The following SLC4A4 variants were observed in gnomAD, a reference collection of about 807,000 sequenced individuals.
The protein encoded by SLC4A4 is electrogenic sodium bicarbonate cotransporter 1.
In SLC4A4, 27 loss-of-function variants were observed where a neutral mutation model predicts 111.5. That is an observed-to-expected ratio of 0.24 (90% CI 0.18 to 0.33). The LOEUF is 0.33. SLC4A4 is among the 10% of genes least tolerant of loss of function. The probability of loss-of-function intolerance (pLI) is 1.00; values close to 1 mark genes in which losing one functional copy is unlikely to be tolerated. For synonymous variants in SLC4A4, 443 were observed against 463.4 expected (o/e 0.96, Z 0.57); for missense variants, 909 against 1,315.5 (o/e 0.69, Z 4.78).
At chr4:71,177,693 C>A (rs780594314) in intron 2 of SLC4A4, among the ~76,000 whole-genome samples, 2 of 152,146 alleles carry the variant, frequency 1.3e-5, no homozygotes, top group Non-Finnish European at 2.9e-5. Flanking sequence ...TCCTTAGTGA[C>A]CTACAAAGAG....
intron 5 of SLC4A4, among the ~76,000 whole-genome samples, chr4:71,351,210 C>T (rs1729795893): frequency 6.6e-6 from 1 of 152,194 alleles, no homozygotes. Context: ...CCAATGTGAC[C>T]TGACTCAATC....
rs145645749 is a variant in SLC4A4 at position 71,258,827 on chromosome 4, G to C, written c.253+3428G>C. Among the ~76,000 whole-genome samples the C allele has an allele frequency of 1.6e-4, 25 of 152,246 alleles. No individual in the cohort carries two copies. In the East Asian group the frequency reaches 4.4e-3, roughly 27 times the overall value. On this transcript the variant is annotated intron_variant, in intron 3 of 25. Transcript: ENST00000264485. ...ATCGCCAAAGTGGGATTTTGGTCTGGGTAGGTAACTCCCAAGTGTGTGCAG... is the reference window on the plus strand; with the variant it reads ...ATCGCCAAAGTGGGATTTTGGTCTGCGTAGGTAACTCCCAAGTGTGTGCAG...
intron 2 of SLC4A4, among the ~76,000 whole-genome samples, chr4:71,157,651 C>A (rs1744514406): frequency 6.6e-6 from 1 of 152,108 alleles, no homozygotes; most frequent in South Asian, 2.1e-4. Context: ...TAACTTAGTA[C>A]ATAATTTTCA....
chr4:71,219,941 A>G (rs1366128072), intron 1 of SLC4A4, among the ~76,000 whole-genome samples: 1 of 152,260 alleles, frequency 6.6e-6, no homozygotes, highest in East Asian at 1.9e-4. Context: ...ATGAGCAAAG[A>G]AAGTGATTTC....
At chr4:71,219,334 A>T (rs945278750) in intron 1 of SLC4A4, among the ~76,000 whole-genome samples, 1 of 152,324 alleles carries the variant, frequency 6.6e-6, no homozygotes, top group Middle Eastern at 3.4e-3. Context: ...TCCTCTGCCT[A>T]TGCTCTGAAG....
At chr4:71,461,626 A>G (rs1474898875) in intron 12 of SLC4A4, among the ~76,000 whole-genome samples, 2 of 152,120 alleles carry the variant, frequency 1.3e-5, no homozygotes, top group Non-Finnish European at 2.9e-5. Context: ...TAAAATGCTG[A>G]TATTACAAAT....
At position 71,569,918 on chromosome 4, in the gene SLC4A4, T is replaced by G. The variant is rs1156436229; in HGVS notation, c.*2167T>G. The G allele has an allele frequency of 6.6e-6, 1 of 151,780 alleles. No individual in the cohort carries two copies. Among genetic ancestry groups the G allele is most frequent in the Non-Finnish European group, 1.5e-5 (1 of 67,820 alleles). 9.4% of individuals were successfully genotyped at this position (151,780 alleles called of 1,614,324 possible). On this transcript the variant is annotated 3_prime_UTR_variant, in exon 26 of 26. Transcript: ENST00000264485. ...ATATGTTATTGTGTTAAAACCTCAC[T>G]TGCCAAATTCTGGCTTCACATTTGT...
intron 18 of SLC4A4, among the ~76,000 whole-genome samples, chr4:71,544,538 C>G (rs1298997781): frequency 6.6e-6 from 1 of 152,010 alleles, no homozygotes; most frequent in Non-Finnish European, 1.5e-5. Context: ...TCTGTAGGCT[C>G]CACCTTAAGG....
intron 7 of SLC4A4, among the ~76,000 whole-genome samples, chr4:71,404,779 A>C (rs1720689246): frequency 6.6e-6 from 1 of 151,942 alleles, no homozygotes; most frequent in African/African-American, 2.4e-5. Context: ...GAAATTGTAA[A>C]TATATATAGG....
Position 71,532,271 on chromosome 4 carries a change from A to T in SLC4A4, c.2280+96A>T, listed in dbSNP as rs186366383. The T allele has an allele frequency of 9.7e-4, 777 of 804,854 alleles. No individual in the cohort carries two copies. The African/African-American group carries it at 0.011, about 12-fold the overall frequency. 49.9% of individuals were successfully genotyped at this position (804,854 alleles called of 1,614,324 possible). A position where few individuals can be genotyped will look rare whatever the true frequency, so the allele number is the denominator to read the frequency against. ...GTGTTTCTCTTTGAGTTAGTTTTGT[A>T]CAATTATCCATATTTTTTTTCCAAA... On this transcript the variant is annotated intron_variant, in intron 17 of 25. Coordinates refer to ENST00000264485, the MANE Select transcript of SLC4A4 (RefSeq NM_001098484.3).
At chr4:71,109,349 G>A (rs1341905518) in intron 2 of SLC4A4, among the ~76,000 whole-genome samples, 1 of 151,992 alleles carries the variant, frequency 6.6e-6, no homozygotes, top group Non-Finnish European at 1.5e-5. Flanking sequence ...ACGAAGGGGG[G>A]AAAATGCACC....
intron 1 of SLC4A4, among the ~76,000 whole-genome samples, chr4:71,082,573 C>T (rs143925556): frequency 1.9e-4 from 29 of 152,186 alleles, no homozygotes; most frequent in African/African-American, 6.8e-4. Context: ...CTATATAAAA[C>T]AATCAGAAAA....
rs1167114334 is a variant in SLC4A4 at position 71,568,701 on chromosome 4, C to T, written c.*950C>T. 2 of 151,912 alleles carry T rather than the reference C, an allele frequency of 1.3e-5. No individual in the cohort carries two copies. Among genetic ancestry groups the T allele is most frequent in the East Asian group, 3.9e-4 (2 of 5,112 alleles). The allele number at this position is 151,912 out of a possible 1,614,324, so 9.4% of individuals were successfully genotyped here. A position where few individuals can be genotyped will look rare whatever the true frequency, so the allele number is the denominator to read the frequency against. On this transcript the variant is annotated 3_prime_UTR_variant, in exon 26 of 26. Coordinates refer to ENST00000264485, the MANE Select transcript of SLC4A4 (RefSeq NM_001098484.3). ...GAAACATAGTTTTGAGTAGTTCTACCTCTTATTTGTAGCTGCCAGGCTTTC... is the reference window on the plus strand; with the variant it reads ...GAAACATAGTTTTGAGTAGTTCTACTTCTTATTTGTAGCTGCCAGGCTTTC...
chr4:71,548,273 T>C (rs532501530), intron 20 of SLC4A4, among the ~76,000 whole-genome samples: 32 of 152,018 alleles, frequency 2.1e-4, no homozygotes, highest in African/African-American at 7.5e-4. Flanking sequence ...TACTGACTCA[T>C]AATTAGAAAG....
At chr4:71,502,313 T>A (rs1323642013) in intron 16 of SLC4A4, among the ~76,000 whole-genome samples, 3 of 152,204 alleles carry the variant, frequency 2.0e-5, no homozygotes, top group African/African-American at 7.2e-5. Flanking sequence ...TTAATTTTTT[T>A]AACTTGTCTT....
rs551066151 is a variant in SLC4A4, at chr4:71,300,904, G to A, written c.254-38466G>A. 8 of 520,512 alleles carry A rather than the reference G, an allele frequency of 1.5e-5. No individual in the cohort carries two copies. In the African/African-American group the frequency reaches 1.5e-4, roughly 10 times the overall value. The allele number at this position is 520,512 out of a possible 1,614,324, so 32.2% of individuals were successfully genotyped here. Reference sequence around the variant, plus strand: ...TTGCTCAGCACGTGGTAGGTGCTGGGGTCCATGTCACACTGAAGATAGATC... The same window carrying A: ...TTGCTCAGCACGTGGTAGGTGCTGGAGTCCATGTCACACTGAAGATAGATC... On this transcript the variant is annotated intron_variant, in intron 3 of 25. Coordinates refer to ENST00000264485, the MANE Select transcript of SLC4A4 (RefSeq NM_001098484.3).
intron 6 of SLC4A4, among the ~76,000 whole-genome samples, chr4:71,358,180 G>A (rs528961301): frequency 1.3e-5 from 2 of 152,204 alleles, no homozygotes; most frequent in African/African-American, 4.8e-5. Flanking sequence ...CCTGGGTGTG[G>A]TGGCACGCAC....
chr4:71,395,379 G>A (rs1211267436), intron 6 of SLC4A4, among the ~76,000 whole-genome samples: 1 of 152,142 alleles, frequency 6.6e-6, no homozygotes, highest in African/African-American at 2.4e-5. Flanking sequence ...TTTTATTAAT[G>A]AGAATCAGAG....
chr4:71,504,503 T>G (rs1731212697), intron 16 of SLC4A4, among the ~76,000 whole-genome samples: 2 of 152,044 alleles, frequency 1.3e-5, no homozygotes, highest in South Asian at 4.1e-4. Flanking sequence ...TTTTTTGAAT[T>G]TTTCATTCAG....
Sources: allele counts gnomAD v4.1 joint callset (sites outside exome capture counted in the v4.1 genomes callset), GRCh38; gene constraint gnomAD v4.1.1; transcripts MANE v1.5; gene names NCBI Gene and HGNC (gene_info 2026-07-23, HGNC 2026-07-21).